EXTL2: variants seen among roughly 807,000 people sequenced by gnomAD.
EXTL2 encodes exostosin-like 2.
In EXTL2, 23 loss-of-function variants were observed where a neutral mutation model predicts 30.7. That is an observed-to-expected ratio of 0.75 (90% confidence interval 0.54 to 1.06). EXTL2 has a LOEUF of 1.06. EXTL2 is among the 50% of genes least tolerant of loss of function. EXTL2 has a pLI of 0.00. For synonymous variants in EXTL2, 123 were observed against 133.8 expected (o/e 0.92, Z 0.56); for missense variants, 352 against 396.3 (o/e 0.89, Z 0.95).
chr1:100,879,600 T>C (rs747308211), intron 2 of EXTL2, among the ~76,000 whole-genome samples: 89 of 152,300 alleles, frequency 5.8e-4, no homozygotes, highest in Non-Finnish European at 9.7e-4. Flanking sequence ...ACAATTTCTC[T>C]TCTTGGCTAT....
rs181894511 is a variant in EXTL2 at position 100,877,443 on chromosome 1, C to T, written c.433+33G>A. On this transcript the variant is annotated intron_variant, in intron 3 of 4. Transcript: ENST00000370114. The surrounding 1 kb of genome is among the most constrained non-coding windows in gnomAD (Gnocchi z 4.1). ...CTGTCCCAGCTCTGGACAGCGGCAG[C>T]CTTTCCAGGCTGAGAACTACACTGC... 2,699 of 1,526,426 alleles carry T rather than the reference C, an allele frequency of 1.8e-3. 4 individuals carry two copies. The highest frequency in any genetic ancestry group is 2.7e-3 in the Admixed American group (131 of 48,148). The allele number at this position is 1,526,426 out of a possible 1,614,324, so 94.6% of individuals were successfully genotyped here.
At position 100,872,626 on chromosome 1, in the gene EXTL2, T is replaced by G. The variant is rs1290386905; in HGVS notation, c.*1316A>C. The stretch of plus-strand genomic sequence containing the variant: ...GACCTCATTATTGGAACATTAGCCA[T>G]GATTATTTTAATATTCTCACAGCTT... On this transcript the variant is annotated 3_prime_UTR_variant, in exon 5 of 5. Transcript: ENST00000370114. The G allele has an allele frequency of 6.6e-6, 1 of 152,332 alleles. No individual in the cohort carries two copies. Among genetic ancestry groups the G allele is most frequent in the Non-Finnish European group, 1.5e-5 (1 of 67,962 alleles). 9.4% of individuals were successfully genotyped at this position (152,332 alleles called of 1,614,324 possible).
chr1:100,889,337 C>T (rs536810824), intron 1 of EXTL2, among the ~76,000 whole-genome samples: 1 of 152,334 alleles, frequency 6.6e-6, no homozygotes, highest in Non-Finnish European at 1.5e-5. Context: ...CTAATCACCT[C>T]CCACTGGGTC....
At position 100,877,417 on chromosome 1, in the gene EXTL2, T is replaced by A; in HGVS notation, c.433+59A>T. On this transcript the variant is annotated intron_variant, in intron 3 of 4. Transcript: ENST00000370114. This position sits in a 1 kb window ranked among gnomAD's most constrained non-coding sequence, Gnocchi z 4.1. ...AAGCAGAAGGCCAGAAATTCACATG[T>A]CTGTCCCAGCTCTGGACAGCGGCAG... 1 of 1,421,832 alleles carries A rather than the reference T, an allele frequency of 7.0e-7. No homozygotes were observed. The highest frequency in any genetic ancestry group is 9.4e-7 in the Non-Finnish European group (1 of 1,059,406). 88.1% of individuals were successfully genotyped at this position (1,421,832 alleles called of 1,614,324 possible). A position where few individuals can be genotyped will look rare whatever the true frequency, so the allele number is the denominator to read the frequency against.
At chr1:100,886,722 C>T (rs546722260) in intron 2 of EXTL2, among the ~76,000 whole-genome samples, 4 of 152,358 alleles carry the variant, frequency 2.6e-5, no homozygotes, top group African/African-American at 7.2e-5. Flanking sequence ...CACTTGCTTC[C>T]TTCAATCCAG....
chr1:100,893,230 A>T (rs1650571608), intron 1 of EXTL2, among the ~76,000 whole-genome samples: 2 of 152,254 alleles, frequency 1.3e-5, no homozygotes, highest in African/African-American at 2.4e-5. Context: ...GTAACATACA[A>T]AGGAATTAAG....
At position 100,888,738 on chromosome 1, in the gene EXTL2, A is replaced by G; in HGVS notation, c.5+15T>C. On this transcript the variant is annotated intron_variant, in intron 2 of 4. Coordinates refer to ENST00000370114, the MANE Select transcript of EXTL2 (RefSeq NM_001033025.3). ...TACAACAGTTAAACAAAAGCCAAAA[A>G]ATATTGGTACTTACCTCATTGTGTT... The G allele has an allele frequency of 6.7e-7, 1 of 1,487,566 alleles. No individual in the cohort carries two copies. The highest frequency in any genetic ancestry group is 1.4e-5 in the African/African-American group (1 of 71,858). The allele number at this position is 1,487,566 out of a possible 1,614,324, so 92.1% of individuals were successfully genotyped here.
At chr1:100,890,805 A>G (rs1304914144) in intron 1 of EXTL2, among the ~76,000 whole-genome samples, 1 of 152,238 alleles carries the variant, frequency 6.6e-6, no homozygotes, top group African/African-American at 2.4e-5. Context: ...AAACTTTCCT[A>G]CATCTTCCTG....
intron 1 of EXTL2, among the ~76,000 whole-genome samples, chr1:100,890,232 G>C (rs977229903): frequency 6.6e-6 from 1 of 152,224 alleles, no homozygotes; most frequent in African/African-American, 2.4e-5. Flanking sequence ...ACAATGTCCT[G>C]AGCTGTATGT....
chr1:100,879,799 T>C (rs928882469), intron 2 of EXTL2, among the ~76,000 whole-genome samples: 3 of 152,202 alleles, frequency 2.0e-5, no homozygotes, highest in African/African-American at 7.2e-5. Flanking sequence ...AAGTGAACTG[T>C]ATGTATACTT....
At position 100,877,737 on chromosome 1, in the gene EXTL2, G is replaced by A. The variant is rs765648871; in HGVS notation, c.172C>T (p.Gln58Ter). The change falls in exon 3 of 5, where the codon CAG (glutamine) becomes TAG (stop). Residue 58 changes from glutamine to a stop codon, truncating the protein, a stop_gained. Transcript: ENST00000370114. LOFTEE classifies it high-confidence loss of function. This position sits in a 1 kb window ranked among gnomAD's most constrained non-coding sequence, Gnocchi z 4.1. ...MLMLRREIKSQGKSTMDSFTL... is the reference protein window; with the variant it reads ...MLMLRREIKS The stretch of plus-strand genomic sequence containing the variant: ...AAGGAGTCCATGGTGGACTTGCCCT[G>A]GGATTTTATTTCCCTACGCAACATG... The A allele has an allele frequency of 6.2e-7, 1 of 1,613,476 alleles. No homozygotes were observed. The highest frequency in any genetic ancestry group is 1.7e-5 in the Admixed American group (1 of 59,894).
chr1:100,885,451 T>C (rs1333948869), intron 2 of EXTL2: 1 of 152,156 alleles, frequency 6.6e-6, no homozygotes, highest in Non-Finnish European at 1.5e-5. Context: ...AAAAACCTCT[T>C]ACTTGGTTGA....
chr1:100,886,132 C>T (rs1197381597), intron 2 of EXTL2, among the ~76,000 whole-genome samples: 1 of 152,138 alleles, frequency 6.6e-6, no homozygotes, highest in Non-Finnish European at 1.5e-5. Flanking sequence ...TGGAAGTGAT[C>T]CATCTTTTCT....
At chr1:100,886,162 C>A (rs769528316) in intron 2 of EXTL2, among the ~76,000 whole-genome samples, 1 of 152,136 alleles carries the variant, frequency 6.6e-6, no homozygotes, top group Non-Finnish European at 1.5e-5. Flanking sequence ...AGAATGGCTA[C>A]GCATATATAT....
Position 100,874,013 on chromosome 1 carries a change from G to A in EXTL2, c.922C>T (p.Pro308Ser). The A allele has an allele frequency of 6.2e-7, 1 of 1,612,218 alleles. No individual in the cohort carries two copies. The highest frequency in any genetic ancestry group is 1.1e-5 in the South Asian group (1 of 90,804). The change falls in exon 5 of 5, where the codon CCC becomes TCC. Residue 308 changes from proline to serine, a missense_variant. Pro to Ser is a moderately conservative substitution (Grantham distance 74, BLOSUM62 -1). Transcript: ENST00000370114. ...NKLVNIYDSM[P>S]LRYSNIMISQ... is the part of the protein sequence containing the mutation. ...ATCATAATGTTGGAGTATCTTAAGG[G>A]CATGCTATCATAGATATTAACAAGC...
rs117319238 is a variant in EXTL2 at position 100,877,208 on chromosome 1, A to C, written c.433+268T>G. ...AAGAGGAGTGGCAAAAAAATATATT[A>C]AGCATAAGCTAAATGGCATCTTACT... is the stretch of plus-strand genomic sequence containing the variant. On this transcript the variant is annotated intron_variant, in intron 3 of 4. Transcript: ENST00000370114. This position sits in a 1 kb window ranked among gnomAD's most constrained non-coding sequence, Gnocchi z 4.1. Among the ~76,000 whole-genome samples, 91 of 152,248 alleles carry C rather than the reference A, an allele frequency of 6.0e-4. 1 individual carries two copies. In the East Asian group the frequency reaches 0.017, roughly 29 times the overall value.
In EXTL2 at chr1:100,874,278, A is replaced by G. The variant is rs372488214; in HGVS notation, c.657T>C (p.Asn219=). 24 of 1,612,836 alleles carry G rather than the reference A, an allele frequency of 1.5e-5. 1 individual carries two copies. Among genetic ancestry groups the G allele is most frequent in the African/African-American group, 1.1e-4 (8 of 74,850 alleles). Residue 219 remains asparagine, a synonymous_variant, in exon 5 of 5, where the codon AAT becomes AAC. Transcript: ENST00000370114. ...SMVLIGASFF[N]SKYLELFQRQ... is the part of the protein sequence containing the mutation. ...TCTGAAATAATTCAAGATATTTGCT[A>G]TTGAAGAATGAGGCTCCAATCAGCA...
At chr1:100,878,844 T>A (rs866258745) in intron 2 of EXTL2, among the ~76,000 whole-genome samples, 2 of 152,108 alleles carry the variant, frequency 1.3e-5, no homozygotes, top group Non-Finnish European at 2.9e-5. Flanking sequence ...AGGTTGTTCA[T>A]GGGCTTGGGG....
At chr1:100,892,816 C>A (rs1009677238) in intron 1 of EXTL2, among the ~76,000 whole-genome samples, 3 of 152,120 alleles carry the variant, frequency 2.0e-5, no homozygotes, top group African/African-American at 7.2e-5. Flanking sequence ...TTCTTATGTA[C>A]CTTTACAACT....
Sources: gnomAD v4.1 joint callset for allele counts (sites outside exome capture counted in the v4.1 genomes callset) on GRCh38, gnomAD v4.1.1 for gene constraint, Gnocchi (gnomAD v3.1) non-coding constraint, MANE v1.5 for transcripts, NCBI Gene and HGNC (gene_info 2026-07-23, HGNC 2026-07-21) for gene names.